The following TUSC3 variants were observed in gnomAD, a reference collection of about 807,000 sequenced individuals.
TUSC3 encodes tumor suppressor candidate 3.
Under a neutral mutation model 44.8 loss-of-function variants are expected in TUSC3, and 45 were observed. That is an observed-to-expected ratio of 1.00 (90% CI 0.79 to 1.29). TUSC3 has a LOEUF of 1.29. Among genes scored for constraint, TUSC3 ranks in the 50% most tolerant of loss-of-function variants. The probability of loss-of-function intolerance (pLI) is 0.00; values close to 1 mark genes in which losing one functional copy is unlikely to be tolerated. For synonymous variants in TUSC3, 212 were observed against 152.9 expected (o/e 1.39, Z -2.85); for missense variants, 519 against 437.9 (o/e 1.19, Z -1.65).
chr8:15,486,591 C>T (rs1250090464), intron 2 of TUSC3, among the ~76,000 whole-genome samples: 1 of 151,960 alleles, frequency 6.6e-6, no homozygotes. Context: ...ATTACAGGCG[C>T]CCGCCACCAT....
At chr8:15,772,592 G>A in the TUSC3 span, among the ~76,000 whole-genome samples, 1 of 152,162 alleles carries the variant, frequency 6.6e-6, no homozygotes, top group Admixed American at 6.5e-5. Flanking sequence ...AATATTTAAA[G>A]AATGAACACA....
At chr8:15,584,342 C>T (rs768393788) in intron 1 of TUSC3, among the ~76,000 whole-genome samples, 15 of 152,020 alleles carry the variant, frequency 9.9e-5, no homozygotes, top group South Asian at 2.1e-4. Context: ...ATTATAAAAG[C>T]GAGAAAAGAT....
At chr8:15,464,145 A>C (rs1800384443) in intron 1 of TUSC3, among the ~76,000 whole-genome samples, 1 of 152,198 alleles carries the variant, frequency 6.6e-6, no homozygotes, top group Non-Finnish European at 1.5e-5. Flanking sequence ...GGTTACCATG[A>C]TAACTGATTC....
At chr8:15,611,839 A>G (rs7831413) in intron 1 of TUSC3, among the ~76,000 whole-genome samples, 4,648 of 152,290 alleles carry the variant, frequency 0.031, 92 homozygotes, top group African/African-American at 0.056. Flanking sequence ...TAAGTATGAC[A>G]TAATATTAAG....
chr8:15,448,121 T>TATATA (rs1354912985), intron 1 of TUSC3, among the ~76,000 whole-genome samples: 662 of 25,864 alleles, frequency 0.026, 59 homozygotes, highest in Admixed American at 0.042. Context: ...ATATATATAT[T>TATATA]TATTTATTTA....
chr8:15,610,215 A>G (rs1286578822), intron 1 of TUSC3, among the ~76,000 whole-genome samples: 17 of 152,206 alleles, frequency 1.1e-4, no homozygotes, highest in Non-Finnish European at 2.2e-4. Flanking sequence ...TTTGAAATCC[A>G]TAAAATTCCA....
intron 2 of TUSC3, among the ~76,000 whole-genome samples, chr8:15,634,635 T>C (rs75532877): frequency 0.023 from 3,464 of 152,252 alleles, 125 homozygotes; most frequent in African/African-American, 0.077. Flanking sequence ...ACCAGTGTGT[T>C]TTTTCATGTG....
At chr8:15,449,842 C>G (rs573881188) in intron 1 of TUSC3, among the ~76,000 whole-genome samples, 1 of 152,198 alleles carries the variant, frequency 6.6e-6, no homozygotes, top group African/African-American at 2.4e-5. Flanking sequence ...ATCTCTTACA[C>G]TTTATTTTTT....
the TUSC3 span, among the ~76,000 whole-genome samples, chr8:15,831,940 A>C: frequency 1.3e-5 from 2 of 152,190 alleles, no homozygotes; most frequent in Admixed American, 6.5e-5. Context: ...GGAAATGGAG[A>C]GAACTCCAGT....
chr8:15,570,294 A>ACT (rs1563295266), intron 1 of TUSC3, among the ~76,000 whole-genome samples: 2 of 151,380 alleles, frequency 1.3e-5, no homozygotes, highest in African/African-American at 4.9e-5. Flanking sequence ...ACACACACAC[A>ACT]CACACACACT....
At position 15,659,582 on chromosome 8, in the gene TUSC3, C is replaced by T; in HGVS notation, c.502C>T (p.Leu168Phe). 1 of 1,613,486 alleles carries T rather than the reference C, an allele frequency of 6.2e-7. No individual in the cohort carries two copies. The highest frequency in any genetic ancestry group is 8.5e-7 in the Non-Finnish European group (1 of 1,179,718). ...ACCTAAGAGAGCTGATACTTTTGAC[C>T]TCCAAAGAATTGGATTTGCAGCTGA... ...GRPKRADTFD[L>F]QRIGFAAEQL... Residue 168 changes from leucine (L) to phenylalanine (F), a missense_variant, in exon 4 of 11, where the codon CTC becomes TTC. Physicochemically the swap from Leu to Phe is conservative, Grantham distance 22 (BLOSUM62 0). Transcript: ENST00000503731.
intron 2 of TUSC3, among the ~76,000 whole-genome samples, chr8:15,624,377 T>C (rs1805396076): frequency 6.6e-6 from 1 of 152,224 alleles, no homozygotes; most frequent in African/African-American, 2.4e-5. Context: ...TATTTAGTTA[T>C]ATAAGAAACA....
At chr8:15,832,377 A>C in the TUSC3 span, among the ~76,000 whole-genome samples, 1 of 152,166 alleles carries the variant, frequency 6.6e-6, no homozygotes, top group East Asian at 1.9e-4. Flanking sequence ...CCACACAAAC[A>C]AGTCTGCATA....
At chr8:15,806,883 G>T in the TUSC3 span, 1 of 1,202,494 alleles carries the variant, frequency 8.3e-7, no homozygotes, top group Non-Finnish European at 1.2e-6. Flanking sequence ...ATGTTGGGGA[G>T]AAAGTAAGAC....
chr8:15,505,450 T>G (rs1299759089), intron 2 of TUSC3, among the ~76,000 whole-genome samples: 1 of 152,254 alleles, frequency 6.6e-6, no homozygotes, highest in Non-Finnish European at 1.5e-5. Flanking sequence ...TTGCATAACC[T>G]TAGCACCATT....
the TUSC3 span, among the ~76,000 whole-genome samples, chr8:15,819,872 T>G: frequency 6.6e-6 from 1 of 152,206 alleles, no homozygotes; most frequent in Non-Finnish European, 1.5e-5. Context: ...GGATCTTCCC[T>G]TCTTGTCCTA....
At chr8:15,715,933 G>A (rs753954920) in intron 6 of TUSC3, among the ~76,000 whole-genome samples, 5 of 151,960 alleles carry the variant, frequency 3.3e-5, no homozygotes, top group Non-Finnish European at 4.4e-5. Context: ...AATATGCAAC[G>A]TAAAATGAGT....
rs989961708 is a variant in TUSC3 at position 15,627,677 on chromosome 8, A to G, written c.308+4428A>G. 3.2e-4 allele frequency among the ~76,000 whole-genome samples: 48 copies of G among 152,188 alleles called. 1 individual carries two copies. Among genetic ancestry groups the G allele is most frequent in the Admixed American group, 3.1e-3 (47 of 15,276 alleles). ...AGCTTCCGGTGCCACTGCATTCCCC[A>G]GTGCTGGCCGGGGAAGCTGCTTGCA... On this transcript the variant is annotated intron_variant, in intron 2 of 10. Transcript: ENST00000503731.
intron 2 of TUSC3, among the ~76,000 whole-genome samples, chr8:15,484,246 C>G (rs1050922326): frequency 1.3e-5 from 2 of 152,196 alleles, no homozygotes; most frequent in Non-Finnish European, 2.9e-5. Flanking sequence ...AAATCCTTCT[C>G]ATGATTCATC....
Sources: gnomAD v4.1 joint callset for allele counts (sites outside exome capture counted in the v4.1 genomes callset) on GRCh38, gnomAD v4.1.1 for gene constraint, MANE v1.5 for transcripts, NCBI Gene and HGNC (gene_info 2026-07-23, HGNC 2026-07-21) for gene names.